Variants in AOAH observed in about 807,000 individuals in gnomAD.
AOAH encodes acyloxyacyl hydrolase.
A neutral mutation model predicts 92.2 loss-of-function variants in AOAH; 64 were observed. That is an observed-to-expected ratio of 0.69 (90% CI 0.57 to 0.86). The LOEUF (loss-of-function observed/expected upper bound fraction) is 0.86. Ranked by LOEUF, AOAH falls within the 40% of genes least tolerant of loss-of-function variation. The probability of loss-of-function intolerance (pLI) is 0.00; values close to 1 mark genes in which losing one functional copy is unlikely to be tolerated. For missense variants in AOAH, 656 were observed against 694.6 expected, an observed-to-expected ratio of 0.94 and a Z score of 0.62; for synonymous variants, 263 against 254.5, an observed-to-expected ratio of 1.03 and a Z score of -0.32.
intron 19 of AOAH, among the ~76,000 whole-genome samples, chr7:36,529,071 T>G (rs992207136): frequency 3.3e-5 from 5 of 152,148 alleles, no homozygotes; most frequent in African/African-American, 4.8e-5. Context: ...GCATAACATT[T>G]AGGAGGATGA....
At chr7:36,552,540 A>C (rs1562561490) in intron 13 of AOAH, among the ~76,000 whole-genome samples, 1 of 152,190 alleles carries the variant, frequency 6.6e-6, no homozygotes, top group Non-Finnish European at 1.5e-5. Context: ...TGCTGGGTCA[A>C]ATGGTATTTC....
intron 1 of AOAH, among the ~76,000 whole-genome samples, chr7:36,704,002 C>T (rs147329408): frequency 1.1e-4 from 16 of 152,248 alleles, no homozygotes; most frequent in African/African-American, 3.9e-4. Flanking sequence ...GATCACCATT[C>T]TAACTGGATG....
chr7:36,616,434 A>G lies in AOAH; in HGVS notation c.792T>C (p.Ala264=), dbSNP rs1431162858. ...PRGIILLGDS[A]GAHFHISPEW... ...CAGGAGAGATGTGAAAATGAGCCCC[A>G]GCTGAGTCTCCCAGCAAAATGATTC... The change falls in exon 11 of 21, where the codon GCT becomes GCC. Residue 264 remains alanine, a synonymous_variant. Transcript: ENST00000617537. 1 of 1,614,178 alleles carries G rather than the reference A, an allele frequency of 6.2e-7. No homozygotes were observed. Among genetic ancestry groups the G allele is most frequent in the Admixed American group, 1.7e-5 (1 of 60,026 alleles).
chr7:36,564,545 A>G (rs1255219269), intron 13 of AOAH, among the ~76,000 whole-genome samples: 1 of 152,252 alleles, frequency 6.6e-6, no homozygotes, highest in African/African-American at 2.4e-5. Context: ...TTTGGAACTG[A>G]TAGAAATGAC....
In AOAH at chr7:36,569,511, ATCTG is replaced by A. The variant is rs747085404; in HGVS notation, c.1021+7059_1021+7062del. Among the ~76,000 whole-genome samples the A allele has an allele frequency of 3.8e-3, 541 of 144,012 alleles. 1 individual carries two copies. The highest frequency in any genetic ancestry group is 6.0e-3 in the Non-Finnish European group (396 of 65,472). 94.5% of individuals were successfully genotyped at this position (144,012 alleles called of 152,430 possible). On this transcript the variant is annotated intron_variant, in intron 13 of 20. Coordinates refer to ENST00000617537, the MANE Select transcript of AOAH (RefSeq NM_001637.4). ...TATCTATCTATCTATCTATCTATCT[ATCTG>A]TCTATCTTTCTACCAGATTTACATA...
At chr7:36,677,023 A>C (rs1796292124) in intron 2 of AOAH, among the ~76,000 whole-genome samples, 1 of 152,264 alleles carries the variant, frequency 6.6e-6, no homozygotes, top group Non-Finnish European at 1.5e-5. Flanking sequence ...GGGTTAGGCA[A>C]CGTTTTCTTA....
At chr7:36,624,656 C>T (rs974506641) in intron 6 of AOAH, among the ~76,000 whole-genome samples, 2 of 152,192 alleles carry the variant, frequency 1.3e-5, no homozygotes, top group Admixed American at 6.5e-5. Context: ...AAGTTGGTTT[C>T]CCGCTCTGTC....
At chr7:36,603,952 T>A (rs1355467102) in intron 11 of AOAH, among the ~76,000 whole-genome samples, 1 of 152,240 alleles carries the variant, frequency 6.6e-6, no homozygotes, top group Non-Finnish European at 1.5e-5. Flanking sequence ...TACCTTATAG[T>A]GTAATTTATA....
intron 18 of AOAH, among the ~76,000 whole-genome samples, chr7:36,531,842 T>TTGTGTGTGTGTGTGTG (rs3837108): frequency 8.6e-5 from 13 of 150,624 alleles, no homozygotes; most frequent in African/African-American, 3.2e-4. Context: ...CTTTAAGAGG[T>TTGTGTGTGTGTGTGTG]TGTGTGTGTG....
intron 4 of AOAH, among the ~76,000 whole-genome samples, chr7:36,644,286 C>T (rs1207523057): frequency 6.6e-6 from 1 of 151,946 alleles, no homozygotes; most frequent in Non-Finnish European, 1.5e-5. Context: ...GCACAAAGTC[C>T]ATGATTTTTC....
Position 36,549,488 on chromosome 7 carries a change from A to C in AOAH, c.1022-13T>G. 1 of 1,561,144 alleles carries C rather than the reference A, an allele frequency of 6.4e-7. No individual in the cohort carries two copies. The highest frequency in any genetic ancestry group is 8.8e-7 in the Non-Finnish European group (1 of 1,140,036). On this transcript the variant is annotated splice_polypyrimidine_tract_variant and intron_variant, in intron 13 of 20. Transcript: ENST00000617537. ...CGGGAAGATGCACCTGAATAATTAA[A>C]ATTAAGAAAACAATTAAAGTTAGTG...
intron 11 of AOAH, among the ~76,000 whole-genome samples, chr7:36,609,043 T>TC (rs748335889): frequency 6.6e-6 from 1 of 151,594 alleles, no homozygotes; most frequent in Non-Finnish European, 1.5e-5. Context: ...CTAGGCAGTC[T>TC]CCCCCAGAGG....
At chr7:36,704,301 T>G (rs1021966441) in intron 1 of AOAH, among the ~76,000 whole-genome samples, 1 of 152,186 alleles carries the variant, frequency 6.6e-6, no homozygotes, top group African/African-American at 2.4e-5. Context: ...ATTCTGTAGG[T>G]TGCCTGTTCA....
At chr7:36,669,860 CATAA>C (rs1235147756) in intron 3 of AOAH, among the ~76,000 whole-genome samples, 1 of 152,176 alleles carries the variant, frequency 6.6e-6, no homozygotes, top group Non-Finnish European at 1.5e-5. Flanking sequence ...TAGAGAGAAG[CATAA>C]ATAGATACCA....
chr7:36,655,939 T>C (rs1342983411), intron 4 of AOAH, among the ~76,000 whole-genome samples: 1 of 152,068 alleles, frequency 6.6e-6, no homozygotes, highest in Non-Finnish European at 1.5e-5. Flanking sequence ...GAGGGCTATC[T>C]AATAGGGCCC....
chr7:36,530,971 C>T (rs112165698), intron 18 of AOAH, among the ~76,000 whole-genome samples: 3 of 151,330 alleles, frequency 2.0e-5, no homozygotes, highest in South Asian at 2.1e-4. Context: ...TTTAGATATA[C>T]GATGGCTCAT....
chr7:36,549,333 A>G lies in AOAH; in HGVS notation c.1058+106T>C, dbSNP rs1786023510. The G allele has an allele frequency of 1.3e-5, 11 of 848,746 alleles. No homozygotes were observed. In the South Asian group the frequency reaches 1.6e-4, roughly 12 times the overall value. 52.6% of individuals were successfully genotyped at this position (848,746 alleles called of 1,614,324 possible). ...TCCTTGAGTTTGGATAGTGACTAAC[A>G]AGCTATTTATGCTCAGTAAAAATGA... is the stretch of plus-strand genomic sequence containing the variant. On this transcript the variant is annotated intron_variant, in intron 14 of 20. Transcript: ENST00000617537.
intron 20 of AOAH, among the ~76,000 whole-genome samples, chr7:36,517,214 C>CTTTCTTTCTTTCTTTCTCTCTT (rs59205788): frequency 1.9e-5 from 2 of 104,894 alleles, no homozygotes; most frequent in East Asian, 2.6e-4. Context: ...TTCTTTCTTT[C>CTTTCTTTCTTTCTTTCTCTCTT]TCTTTCTTTC....
chr7:36,717,003 A>AATAT (rs966841982), intron 1 of AOAH, among the ~76,000 whole-genome samples: 1 of 151,494 alleles, frequency 6.6e-6, no homozygotes, highest in Non-Finnish European at 1.5e-5. Flanking sequence ...TAAATAAATA[A>AATAT]ATAAATAAAT....
Sources: gnomAD v4.1 joint callset for allele counts (sites outside exome capture counted in the v4.1 genomes callset) on GRCh38, gnomAD v4.1.1 for gene constraint, MANE v1.5 for transcripts, NCBI Gene and HGNC (gene_info 2026-07-23, HGNC 2026-07-21) for gene names.